Variants in PLG observed in about 807,000 individuals in gnomAD.
PLG encodes plasminogen.
A neutral mutation model predicts 104.4 loss-of-function variants in PLG; 41 were observed. The observed-to-expected ratio is 0.39, with a 90% CI of 0.31 to 0.51. The LOEUF (loss-of-function observed/expected upper bound fraction) is 0.51, where lower values mean the gene tolerates loss of function less well. Ranked by LOEUF, PLG falls within the 20% of genes least tolerant of loss-of-function variation. PLG has a pLI of 0.76. For synonymous variants in PLG, 337 were observed against 357.1 expected (o/e 0.94, Z 0.63); for missense variants, 891 against 1,003.6 (o/e 0.89, Z 1.52).
rs769370242 is a variant in PLG, at chr6:160,722,457, A to G, written c.1146A>G (p.Gly382=). 4.3e-6 allele frequency: 7 copies of G among 1,613,108 alleles called. No individual in the cohort carries two copies. In the Admixed American group the frequency reaches 6.7e-5, roughly 15 times the overall value. Residue 382 remains glycine (G), a synonymous_variant, in exon 10 of 19, where the codon GGA becomes GGG. Coordinates refer to ENST00000308192, the MANE Select transcript of PLG (RefSeq NM_000301.5). The part of the protein sequence containing the change: ...PVVQDCYHGD[G]QSYRGTSSTT... ...TCCAGGACTGCTACCATGGTGATGG[A>G]CAGAGCTACCGAGGCACATCCTCCA...
chr6:160,722,701 T>G, intron 10 of PLG, 134 bp downstream of exon 10: 1 of 783,434 alleles, frequency 1.3e-6, no homozygotes, highest in Non-Finnish European at 2.2e-6. Context: ...GAAAAATGTC[T>G]CAAGAATCTT....
rs1778148906 is a variant in PLG, at chr6:160,739,429, AAG to A, written c.2018+224_2018+225del. 6.6e-6 allele frequency among the ~76,000 whole-genome samples: 1 copy of A among 152,146 alleles called. No homozygotes were observed. Among genetic ancestry groups the A allele is most frequent in the South Asian group, 2.1e-4 (1 of 4,822 alleles). Reference sequence around the variant, plus strand: ...AGGACTCCGTTTTCTCATGTGGAAAAAGAGTTGAAATGAGGTACTCTGTTACT... The same window carrying A: ...AGGACTCCGTTTTCTCATGTGGAAAAAGTTGAAATGAGGTACTCTGTTACT... On this transcript the variant is annotated intron_variant, in intron 16 of 18. Coordinates refer to ENST00000308192, the MANE Select transcript of PLG (RefSeq NM_000301.5). The surrounding 1 kb of genome is among the most constrained non-coding windows in gnomAD (Gnocchi z 4.4).
At chr6:160,708,998 T>C (rs1777585731) in intron 3 of PLG, among the ~76,000 whole-genome samples, 1 of 152,054 alleles carries the variant, frequency 6.6e-6, no homozygotes, top group Non-Finnish European at 1.5e-5. Flanking sequence ...ATTCTCCTGA[T>C]TCTCTCTACA....
Position 160,752,866 on chromosome 6 carries a change from A to T in PLG, c.2272-34A>T, listed in dbSNP as rs762280502. 8 of 1,611,494 alleles carry T rather than the reference A, an allele frequency of 5.0e-6. No homozygotes were observed. In the South Asian group the frequency reaches 8.8e-5, roughly 18 times the overall value. On this transcript the variant is annotated intron_variant, in intron 18 of 18. Coordinates refer to ENST00000308192, the MANE Select transcript of PLG (RefSeq NM_000301.5). The surrounding 1 kb of genome is among the most constrained non-coding windows in gnomAD (Gnocchi z 4.7). Reference sequence around the variant, plus strand: ...CCCATAATAAAAGGCAGGCAGCCTAACCCTCACATGCATTTTTCTCTCCCT... The same window carrying T: ...CCCATAATAAAAGGCAGGCAGCCTATCCCTCACATGCATTTTTCTCTCCCT...
At chr6:160,711,884 T>C (rs1240971486) in intron 4 of PLG, 6 of 1,385,386 alleles carry the variant, frequency 4.3e-6, no homozygotes, top group African/African-American at 1.5e-5. Flanking sequence ...ATACGTGAAA[T>C]TCAAATGTTG....
At chr6:160,717,093 G>C (rs1242184394) in intron 7 of PLG, among the ~76,000 whole-genome samples, 1 of 152,048 alleles carries the variant, frequency 6.6e-6, no homozygotes, top group East Asian at 1.9e-4. Context: ...TCTGACACAT[G>C]GATTTCATTT....
chr6:160,707,746 G>A lies in PLG; in HGVS notation c.232G>A (p.Glu78Lys), dbSNP rs745842913. The part of the protein sequence containing the change: ...SKEQQCVIMA[E>K]NRKSSIIIRM... The stretch of plus-strand genomic sequence containing the variant: ...AGAGCAACAATGTGTGATAATGGCT[G>A]AAAACAGGAAGTCCTCCATAATCAT... Residue 78 changes from glutamate (E) to lysine (K), a missense_variant, in exon 3 of 19, where the codon GAA (glutamate) becomes AAA (lysine). This residue lies in a region of PLG where 854 missense variants were observed against 932.1 expected (regional missense o/e 0.92). Coordinates refer to ENST00000308192, the MANE Select transcript of PLG (RefSeq NM_000301.5). 1 of 1,611,554 alleles carries A rather than the reference G, an allele frequency of 6.2e-7. No individual in the cohort carries two copies.
intron 1 of PLG, among the ~76,000 whole-genome samples, chr6:160,704,311 G>T (rs1260526134): frequency 2.0e-5 from 3 of 152,222 alleles, no homozygotes; most frequent in African/African-American, 7.2e-5. Flanking sequence ...CATGAGCTGG[G>T]GAGGGGATCT....
chr6:160,703,609 T>C (rs1777465568), intron 1 of PLG, among the ~76,000 whole-genome samples: 1 of 152,254 alleles, frequency 6.6e-6, no homozygotes. Context: ...AGTTGCACTT[T>C]AGAGTCAAAT....
At position 160,716,650 on chromosome 6, in the gene PLG, CA is replaced by C; in HGVS notation, c.677del (p.Asn226ThrfsTer4). The C allele has an allele frequency of 6.3e-7, 1 of 1,590,938 alleles. No homozygotes were observed. The highest frequency in any genetic ancestry group is 8.6e-7 in the Non-Finnish European group (1 of 1,158,948). ...HAHGYIPSKF[P>X]NKNLKKNYCR... ...AATCTTTCTTGTCCATTCAGATTTC[CA>C]AACAAGAACCTGAAGAAGAATTACT... is the stretch of plus-strand genomic sequence containing the variant. On this transcript the variant is annotated frameshift_variant, in exon 7 of 19. Coordinates refer to ENST00000308192, the MANE Select transcript of PLG (RefSeq NM_000301.5). LOFTEE classifies it high-confidence loss of function.
In PLG at chr6:160,706,472, A is replaced by C. The variant is rs138353396; in HGVS notation, c.115A>C (p.Lys39Gln). 33 of 1,613,768 alleles carry C rather than the reference A, an allele frequency of 2.0e-5. No homozygotes were observed. The African/African-American group carries it at 2.3e-4, about 11-fold the overall frequency. The change falls in exon 2 of 19, where the codon AAG (lysine) becomes CAG (glutamine). Residue 39 changes from lysine to glutamine, a missense_variant. Coordinates refer to ENST00000308192, the MANE Select transcript of PLG (RefSeq NM_000301.5). The part of the protein sequence containing the change: ...QGASLFSVTK[K>Q]QLGAGSIEEC... Reference sequence around the variant, plus strand: ...GGCTTCACTGTTCAGTGTCACTAAGAAGCAGCTGGGAGCAGGAAGTATAGA... The same window carrying C: ...GGCTTCACTGTTCAGTGTCACTAAGCAGCAGCTGGGAGCAGGAAGTATAGA...
At chr6:160,721,917 A>C (rs1291393461) in intron 9 of PLG, among the ~76,000 whole-genome samples, 2 of 152,202 alleles carry the variant, frequency 1.3e-5, no homozygotes, top group African/African-American at 4.8e-5. Context: ...CCACTCTCTG[A>C]GAAGCTGTGG....
rs774814634 is a variant in PLG at position 160,734,116 on chromosome 6, A to G, written c.1681+28A>G. 2.4e-6 allele frequency: 3 copies of G among 1,251,464 alleles called. No homozygotes were observed. The Admixed American group carries it at 5.1e-5, about 21-fold the overall frequency. The allele number at this position is 1,251,464 out of a possible 1,614,324, so 77.5% of individuals were successfully genotyped here. A position where few individuals can be genotyped will look rare whatever the true frequency, so the allele number is the denominator to read the frequency against. ...AGGTTGCCTTCTTTTTGGTAAGGAA[A>G]CTGCTTACTTAATATGGATTTGCAA... On this transcript the variant is annotated intron_variant, in intron 13 of 18. Coordinates refer to ENST00000308192, the MANE Select transcript of PLG (RefSeq NM_000301.5). This position sits in a 1 kb window ranked among gnomAD's most constrained non-coding sequence, Gnocchi z 4.4.
In PLG at chr6:160,709,890, T is replaced by C. The variant is rs542132205; in HGVS notation, c.293-1187T>C. Among the ~76,000 whole-genome samples, 56 of 152,362 alleles carry C rather than the reference T, an allele frequency of 3.7e-4. 1 individual carries two copies. Among genetic ancestry groups the C allele is most frequent in the South Asian group, 1.2e-3 (6 of 4,834 alleles). On this transcript the variant is annotated intron_variant, in intron 3 of 18. Coordinates refer to ENST00000308192, the MANE Select transcript of PLG (RefSeq NM_000301.5). The stretch of plus-strand genomic sequence containing the variant: ...AATGGCTAAAGTGGGTAACCTTAAA[T>C]GATGGTGTAAATATACCTTAAACAT...
intron 17 of PLG, among the ~76,000 whole-genome samples, chr6:160,748,643 C>T (rs1006205535): frequency 6.6e-6 from 1 of 152,148 alleles, no homozygotes; most frequent in South Asian, 2.1e-4. Flanking sequence ...TTGTATCTAA[C>T]ATGACTCTTT....
intron 17 of PLG, among the ~76,000 whole-genome samples, chr6:160,751,176 T>C (rs2115189349): frequency 6.6e-6 from 1 of 152,308 alleles, no homozygotes; most frequent in Middle Eastern, 3.4e-3. Flanking sequence ...CAGAAATATG[T>C]CTATGTAATT....
intron 10 of PLG, 33 bp downstream of exon 10, chr6:160,722,600 T>C: frequency 6.3e-7 from 1 of 1,599,426 alleles, no homozygotes; most frequent in Non-Finnish European, 8.6e-7. Context: ...AAGAGGGGCA[T>C]CAGCCAACTG....
intron 5 of PLG, among the ~76,000 whole-genome samples, chr6:160,714,095 GTTA>G (rs1777691759): frequency 6.6e-6 from 1 of 152,106 alleles, no homozygotes; most frequent in African/African-American, 2.4e-5. Context: ...ATGCATCACT[GTTA>G]TATTAAGTCT....
rs1778003239 is a variant in PLG at position 160,731,769 on chromosome 6, G to A, written c.1463G>A (p.Gly488Glu). The A allele has an allele frequency of 6.2e-7, 1 of 1,613,980 alleles. No individual in the cohort carries two copies. The highest frequency in any genetic ancestry group is 1.3e-5 in the African/African-American group (1 of 74,908). The change falls in exon 12 of 19, where the codon GGA becomes GAA. Residue 488 changes from glycine to glutamate, a missense_variant. Gly to Glu is a moderately conservative substitution (Grantham distance 98). Coordinates refer to ENST00000308192, the MANE Select transcript of PLG (RefSeq NM_000301.5). The surrounding 1 kb of genome is among the most constrained non-coding windows in gnomAD (Gnocchi z 5.1). The part of the protein sequence containing the change: ...EEDCMFGNGK[G>E]YRGKRATTVT... ...GACTGTATGTTTGGGAATGGGAAAG[G>A]ATACCGAGGCAAGAGGGCGACCACT... is the stretch of plus-strand genomic sequence containing the variant.
Sources: allele counts gnomAD v4.1 joint callset (sites outside exome capture counted in the v4.1 genomes callset), GRCh38; gene constraint gnomAD v4.1.1; regional missense constraint gnomAD v4.1.1; non-coding constraint Gnocchi (gnomAD v3.1); transcripts MANE v1.5; gene names NCBI Gene and HGNC (gene_info 2026-07-23, HGNC 2026-07-21).